Variants in ZNF385D observed in about 807,000 individuals in gnomAD.
The protein encoded by ZNF385D is zinc finger protein 659.
ZNF385D carries 15 observed loss-of-function variants against 35.8 expected under a neutral mutation model. That is an observed-to-expected ratio of 0.42 (90% CI 0.28 to 0.64). The LOEUF (loss-of-function observed/expected upper bound fraction) is 0.64, where lower values mean the gene tolerates loss of function less well. Among genes scored for constraint, ZNF385D ranks in the 30% least tolerant of loss-of-function variants. ZNF385D has a pLI of 0.23. For synonymous variants in ZNF385D, 212 were observed against 186.8 expected (o/e 1.13, Z -1.10); for missense variants, 474 against 494.6 (o/e 0.96, Z 0.39).
At chr3:21,712,081 A>C (rs965373430) in intron 1 of ZNF385D, among the ~76,000 whole-genome samples, 1 of 134,654 alleles carries the variant, frequency 7.4e-6, no homozygotes, top group Non-Finnish European at 1.6e-5. Flanking sequence ...CTCTTCTGCT[A>C]CCAGCTACCA....
chr3:21,751,378 T>C, upstream of ZNF385D: 3 of 1,025,732 alleles, frequency 2.9e-6, no homozygotes, highest in Non-Finnish European at 3.5e-6. Flanking sequence ...GAGGCTCTCT[T>C]AAAGCGAGAA....
At chr3:21,423,866 TG>T in intron 7 of ZNF385D, 96 bp downstream of exon 7, 1 of 1,117,702 alleles carries the variant, frequency 8.9e-7, no homozygotes, top group Non-Finnish European at 1.3e-6. Context: ...TAAAAGGTAC[TG>T]GGCTGTGGTT....
At chr3:21,425,747 A>G (rs1700991346) in intron 5 of ZNF385D, 77 bp from the exon 6 acceptor site, 1 of 1,384,528 alleles carries the variant, frequency 7.2e-7, no homozygotes, top group South Asian at 1.6e-5. Context: ...GGATGGGAGG[A>G]AAAAAATCTT....
At chr3:21,891,014 A>C (rs946479147) in intron 3 of ZNF385D, among the ~76,000 whole-genome samples, 1 of 152,180 alleles carries the variant, frequency 6.6e-6, no homozygotes, top group African/African-American at 2.4e-5. Context: ...GAACTGGACT[A>C]ATACAGGTTT....
intron 3 of ZNF385D, among the ~76,000 whole-genome samples, chr3:22,070,943 G>T (rs1240939264): frequency 6.6e-6 from 1 of 151,978 alleles, no homozygotes; most frequent in Admixed American, 6.6e-5. Flanking sequence ...AACAGTATAG[G>T]TGTTAACCAA....
rs891156732 is a variant in ZNF385D at position 22,068,541 on chromosome 3, T to A, written c.325+100276A>T. 2.0e-5 allele frequency among the ~76,000 whole-genome samples: 3 copies of A among 152,210 alleles called. No individual in the cohort carries two copies. In the East Asian group the frequency reaches 5.8e-4, roughly 29 times the overall value. On this transcript the variant is annotated intron_variant, in intron 3 of 5. Coordinates refer to the ZNF385D transcript ENST00000494108. ...ATTTAAAACTTTTTATTATATTCTT[T>A]TGAGGATTTCTCCTAGCAGTTGGAT...
chr3:22,301,522 T>G (rs974123902), intron 2 of ZNF385D, among the ~76,000 whole-genome samples: 3 of 152,096 alleles, frequency 2.0e-5, no homozygotes, highest in African/African-American at 7.2e-5. Context: ...AACATCATAT[T>G]GTACACAATA....
intron 3 of ZNF385D, among the ~76,000 whole-genome samples, chr3:22,043,953 A>G (rs1169015852): frequency 6.6e-6 from 1 of 152,140 alleles, no homozygotes; most frequent in East Asian, 1.9e-4. Flanking sequence ...TCCACAGTCC[A>G]GGCTGGAGTG....
intron 3 of ZNF385D, among the ~76,000 whole-genome samples, chr3:22,086,082 C>G (rs1270162227): frequency 6.6e-6 from 1 of 152,130 alleles, no homozygotes; most frequent in Non-Finnish European, 1.5e-5. Flanking sequence ...TATGACAAAT[C>G]CATAGCCCAT....
chr3:22,065,045 G>C, intron 3 of ZNF385D, among the ~76,000 whole-genome samples: 1 of 152,172 alleles, frequency 6.6e-6, no homozygotes. Flanking sequence ...TCCTAGTTAT[G>C]CCACCCACTA....
chr3:21,918,847 C>T (rs1043595005), intron 3 of ZNF385D, among the ~76,000 whole-genome samples: 4 of 152,080 alleles, frequency 2.6e-5, no homozygotes, highest in African/African-American at 7.2e-5. Context: ...AGCGAGATCT[C>T]GTGATTTTAA....
intron 1 of ZNF385D, among the ~76,000 whole-genome samples, chr3:21,716,525 A>G (rs1281976602): frequency 6.6e-6 from 1 of 152,032 alleles, no homozygotes; most frequent in Non-Finnish European, 1.5e-5. Context: ...GACTTCCACA[A>G]TGACTATGAA....
intron 1 of ZNF385D, among the ~76,000 whole-genome samples, chr3:21,739,846 G>A (rs963494005): frequency 5.9e-5 from 9 of 152,200 alleles, no homozygotes; most frequent in Non-Finnish European, 1.2e-4. Flanking sequence ...TACTGAAAGT[G>A]AACCTGGTGA....
intron 2 of ZNF385D, among the ~76,000 whole-genome samples, chr3:22,359,206 A>G (rs1454143612): frequency 6.6e-6 from 1 of 151,892 alleles, no homozygotes; most frequent in Non-Finnish European, 1.5e-5. Context: ...TAGGTCTACC[A>G]TCATTAGTTA....
chr3:22,252,103 A>G (rs1031921860), intron 2 of ZNF385D, among the ~76,000 whole-genome samples: 52 of 152,228 alleles, frequency 3.4e-4, no homozygotes, highest in Non-Finnish European at 2.5e-4. Context: ...ACACATTTCC[A>G]TAACTAAAGA....
chr3:21,666,810 G>A (rs1045474283), intron 1 of ZNF385D, among the ~76,000 whole-genome samples: 2 of 152,154 alleles, frequency 1.3e-5, no homozygotes, highest in Admixed American at 1.3e-4. Context: ...AGGTGTGGTG[G>A]CTCACGCCTG....
At chr3:21,815,495 G>T (rs893363849) in intron 3 of ZNF385D, among the ~76,000 whole-genome samples, 4 of 152,102 alleles carry the variant, frequency 2.6e-5, no homozygotes, top group Non-Finnish European at 4.4e-5. Context: ...TGATAAAGGG[G>T]ATATCACCAC....
chr3:22,333,485 T>G (rs539298911), intron 2 of ZNF385D, among the ~76,000 whole-genome samples: 2 of 152,270 alleles, frequency 1.3e-5, no homozygotes, highest in South Asian at 4.1e-4. Flanking sequence ...TTCTCTCTGT[T>G]ATTTGGATCG....
At chr3:21,767,101 C>T (rs1223664066) in intron 3 of ZNF385D, among the ~76,000 whole-genome samples, 1 of 147,964 alleles carries the variant, frequency 6.8e-6, no homozygotes, top group Non-Finnish European at 1.5e-5. Flanking sequence ...CACACTCTAG[C>T]TATTTCTGTC....
Sources: gnomAD v4.1 joint callset for allele counts (sites outside exome capture counted in the v4.1 genomes callset) on GRCh38, gnomAD v4.1.1 for gene constraint, MANE v1.5 for transcripts, NCBI Gene and HGNC (gene_info 2026-07-23, HGNC 2026-07-21) for gene names.